The following CD300LF variants were observed in gnomAD, a reference collection of about 807,000 sequenced individuals.
CD300LF encodes CMRF35-like molecule 1.
Under a neutral mutation model 32.2 loss-of-function variants are expected in CD300LF, and 27 were observed. That is an observed-to-expected ratio of 0.84 (90% CI 0.62 to 1.15). The LOEUF (loss-of-function observed/expected upper bound fraction) is 1.15, where lower values mean the gene tolerates loss of function less well. Ranked by LOEUF, CD300LF falls within the 50% of genes most tolerant of loss-of-function variation. The probability of loss-of-function intolerance (pLI) is 0.00; values close to 1 mark genes in which losing one functional copy is unlikely to be tolerated. For synonymous variants in CD300LF, 139 were observed against 143.2 expected, an observed-to-expected ratio of 0.97 and a Z score of 0.21; for missense variants, 348 against 356.8, an observed-to-expected ratio of 0.98 and a Z score of 0.20.
At chr17:74,710,806 G>T (rs1259993222) in intron 1 of CD300LF, among the ~76,000 whole-genome samples, 1 of 152,140 alleles carries the variant, frequency 6.6e-6, no homozygotes, top group Admixed American at 6.5e-5. Flanking sequence ...GGCAGAGGTT[G>T]CAGTGAGCCA....
intron 3 of CD300LF, among the ~76,000 whole-genome samples, chr17:74,702,720 C>T (rs1036391884): frequency 2.6e-5 from 4 of 152,172 alleles, no homozygotes; most frequent in Non-Finnish European, 1.5e-5. Flanking sequence ...CTGAGCTCCA[C>T]GGGGACAGTC....
At position 74,704,491 on chromosome 17, in the gene CD300LF, C is replaced by A; in HGVS notation, c.369G>T (p.Val123=). Residue 123 remains valine (V), a synonymous_variant, in exon 2 of 7, where the codon GTG becomes GTT. Coordinates refer to ENST00000326165, the MANE Select transcript of CD300LF (RefSeq NM_139018.5). ...ACTCCCTCTTACCTGGGTCAATGGT[C>A]ACTTGAACTGTGACCCCAAGGTCAT... ...TGNDLGVTVQ[V]TIDPAPVTQE... The A allele has an allele frequency of 6.2e-7, 1 of 1,612,260 alleles. No homozygotes were observed. Among genetic ancestry groups the A allele is most frequent in the South Asian group, 1.1e-5 (1 of 90,780 alleles).
At chr17:74,706,292 T>C (rs898274963) in intron 1 of CD300LF, among the ~76,000 whole-genome samples, 5 of 148,230 alleles carry the variant, frequency 3.4e-5, no homozygotes, top group African/African-American at 1.2e-4. Flanking sequence ...AATATATATA[T>C]ATATATATCC....
Position 74,695,734 on chromosome 17 carries a change from A to T in CD300LF, c.708T>A (p.Tyr236Ter). ...CCCATGGAGGACGCACCATGGTGAC[A>T]TATTCCACTTCCACCTGGTCAACCT... The part of the protein sequence containing the change: ...SAQVDQVEVE[Y>*]VTMASLPKED... The change falls in exon 6 of 7, where the codon TAT becomes TAA. Residue 236 changes from tyrosine to a stop codon, truncating the protein, a stop_gained. Coordinates refer to ENST00000326165, the MANE Select transcript of CD300LF (RefSeq NM_139018.5). LOFTEE classifies it low-confidence loss of function (END_TRUNC). The T allele has an allele frequency of 6.2e-7, 1 of 1,614,098 alleles. No homozygotes were observed. The highest frequency in any genetic ancestry group is 8.5e-7 in the Non-Finnish European group (1 of 1,180,000).
intron 3 of CD300LF, among the ~76,000 whole-genome samples, chr17:74,701,860 A>C (rs1487166629): frequency 2.6e-5 from 4 of 151,598 alleles, no homozygotes; most frequent in African/African-American, 7.3e-5. Context: ...AAAAAAAAAA[A>C]AAAAAACAAT....
chr17:74,706,119 G>A (rs1015314111), intron 1 of CD300LF, among the ~76,000 whole-genome samples: 28 of 151,930 alleles, frequency 1.8e-4, no homozygotes, highest in African/African-American at 6.8e-4. Context: ...AGGAGGGAAG[G>A]GAGCAAGCAC....
chr17:74,706,369 T>C (rs1489201724), intron 1 of CD300LF, among the ~76,000 whole-genome samples: 3 of 142,846 alleles, frequency 2.1e-5, no homozygotes, highest in African/African-American at 7.8e-5. Flanking sequence ...AGTAAAGAAA[T>C]ATTTCCCTGT....
At chr17:74,711,382 G>A (rs1224015612) in intron 1 of CD300LF, among the ~76,000 whole-genome samples, 2 of 152,114 alleles carry the variant, frequency 1.3e-5, no homozygotes, top group African/African-American at 4.8e-5. Context: ...AGCCATACCT[G>A]TCCTGGTCTC....
intron 3 of CD300LF, among the ~76,000 whole-genome samples, chr17:74,700,419 CA>C (rs1276490197): frequency 6.6e-6 from 1 of 152,068 alleles, no homozygotes; most frequent in East Asian, 1.9e-4. Flanking sequence ...CTGTGTGGCT[CA>C]CTTTCTCACC....
intron 1 of CD300LF, 43 bp downstream of exon 1, chr17:74,712,781 G>A: frequency 4.3e-6 from 7 of 1,610,996 alleles, no homozygotes; most frequent in Non-Finnish European, 5.9e-6. Context: ...ACCTCCTCCT[G>A]CTTGCTAAGC....
At chr17:74,705,285 G>C in intron 1 of CD300LF, 1 of 699,222 alleles carries the variant, frequency 1.4e-6, no homozygotes, top group Non-Finnish European at 2.6e-6. Flanking sequence ...TGTCCTGGTG[G>C]TCCTAATGAT....
At chr17:74,711,975 G>A (rs979745996) in intron 1 of CD300LF, among the ~76,000 whole-genome samples, 23 of 146,202 alleles carry the variant, frequency 1.6e-4, no homozygotes, top group African/African-American at 5.6e-4. Context: ...TGTGATTACA[G>A]GTCACTGCAG....
At chr17:74,702,975 G>C in intron 3 of CD300LF, 60 bp downstream of exon 3, 1 of 1,359,514 alleles carries the variant, frequency 7.4e-7, no homozygotes, top group Admixed American at 1.7e-5. Context: ...GGACTTCAAA[G>C]AGTTCTCCAT....
At position 74,695,216 on chromosome 17, in the gene CD300LF, A is replaced by G. The variant is rs776204112; in HGVS notation, c.753T>C (p.Ser251=). 6.2e-7 allele frequency: 1 copy of G among 1,614,124 alleles called. No homozygotes were observed. Among genetic ancestry groups the G allele is most frequent in the South Asian group, 1.1e-5 (1 of 91,084 alleles). Residue 251 remains serine, a synonymous_variant, in exon 7 of 7, where the codon TCT becomes TCC. Transcript: ENST00000326165. ...SLPKEDISYA[S]LTLGAEDQEP... ...CCTGATCCTCAGCACCCAAGGTCAG[A>G]GATGCATAGGAAATGTCCTCCTTCG...
chr17:74,704,130 T>C (rs2033307398), intron 2 of CD300LF, among the ~76,000 whole-genome samples: 1 of 152,140 alleles, frequency 6.6e-6, no homozygotes, highest in Non-Finnish European at 1.5e-5. Context: ...ACCAGAGGTC[T>C]CCAAAAAGCA....
chr17:74,702,806 G>A (rs183622535), intron 3 of CD300LF, among the ~76,000 whole-genome samples: 30 of 152,300 alleles, frequency 2.0e-4, no homozygotes, highest in South Asian at 4.1e-4. Flanking sequence ...TGGGGCGAAC[G>A]AATGAATGAA....
chr17:74,701,060 G>A (rs1457475898), intron 3 of CD300LF, among the ~76,000 whole-genome samples: 11 of 152,186 alleles, frequency 7.2e-5, no homozygotes, highest in Admixed American at 6.5e-4. Context: ...CAACCTTGTG[G>A]ACCACTTGAT....
At chr17:74,712,476 C>T (rs1014958122) in intron 1 of CD300LF, among the ~76,000 whole-genome samples, 7 of 152,216 alleles carry the variant, frequency 4.6e-5, no homozygotes, top group African/African-American at 1.2e-4. Context: ...AACACCTCCA[C>T]GCAGGTGACA....
intron 3 of CD300LF, among the ~76,000 whole-genome samples, chr17:74,701,507 T>A (rs2033047557): frequency 6.6e-6 from 1 of 152,172 alleles, no homozygotes; most frequent in African/African-American, 2.4e-5. Context: ...TCAAAGCAGT[T>A]TGGTAGAAAA....
Sources: gnomAD v4.1 joint callset for allele counts (sites outside exome capture counted in the v4.1 genomes callset) on GRCh38, gnomAD v4.1.1 for gene constraint, MANE v1.5 for transcripts, NCBI Gene and HGNC (gene_info 2026-07-23, HGNC 2026-07-21) for gene names.